ZFHX3: variants seen among roughly 807,000 people sequenced by gnomAD.
ZFHX3 encodes zinc finger homeobox 3, also known as zinc finger homeobox protein 3.
Under a neutral mutation model 279.1 loss-of-function variants are expected in ZFHX3, and 42 were observed. That is an observed-to-expected ratio of 0.15 (90% CI 0.12 to 0.19). ZFHX3 has a LOEUF of 0.19. Among genes scored for constraint, ZFHX3 ranks in the 10% least tolerant of loss-of-function variants. The pLI, the probability that ZFHX3 is intolerant of heterozygous loss-of-function variation, is 1.00. For missense variants in ZFHX3, 4,981 were observed against 4,754.0 expected, an observed-to-expected ratio of 1.05 and a Z score of -1.40; for synonymous variants, 2,293 against 1,957.8, an observed-to-expected ratio of 1.17 and a Z score of -4.52.
chr16:73,226,293 T>C (rs2012588955), intron 5 of ZFHX3, among the ~76,000 whole-genome samples: 1 of 152,188 alleles, frequency 6.6e-6, no homozygotes, highest in South Asian at 2.1e-4. Context: ...GTTCCTGCAA[T>C]AAGACAGCGC....
chr16:73,097,778 C>T (rs948156832), intron 7 of ZFHX3, among the ~76,000 whole-genome samples: 8 of 152,306 alleles, frequency 5.3e-5, no homozygotes, highest in Middle Eastern at 3.4e-3. Context: ...ATCTACTTTC[C>T]GTCTCTATGA....
At chr16:73,282,606 C>T (rs2014485413) in intron 4 of ZFHX3, among the ~76,000 whole-genome samples, 1 of 152,234 alleles carries the variant, frequency 6.6e-6, no homozygotes, top group East Asian at 1.9e-4. Context: ...TTAAATTAAG[C>T]CTTTTCTTTA....
At chr16:73,473,339 C>CAAAAAAAAAAAAAAAAACAAAAAAAAAAA (rs2018703248) in intron 2 of ZFHX3, among the ~76,000 whole-genome samples, 1 of 76,658 alleles carries the variant, frequency 1.3e-5, no homozygotes, top group African/African-American at 5.9e-5. Context: ...TGTCTCAAAG[C>CAAAAAAAAAAAAAAAAACAAAAAAAAAAA]AAAAAAAAAA....
chr16:73,147,562 G>A (rs1170860896), intron 5 of ZFHX3, among the ~76,000 whole-genome samples: 3 of 150,810 alleles, frequency 2.0e-5, no homozygotes, highest in Non-Finnish European at 3.0e-5. Context: ...CGTGGTAGCG[G>A]GCGCCTGTAG....
intron 3 of ZFHX3, among the ~76,000 whole-genome samples, chr16:73,355,539 G>A (rs559323515): frequency 3.3e-5 from 5 of 152,074 alleles, no homozygotes; most frequent in Non-Finnish European, 5.9e-5. Flanking sequence ...GAGCTGGGAT[G>A]GTCTGCTTCA....
At chr16:73,747,268 C>A (rs2053712938) in intron 1 of ZFHX3, among the ~76,000 whole-genome samples, 1 of 152,116 alleles carries the variant, frequency 6.6e-6, no homozygotes, top group Non-Finnish European at 1.5e-5. Context: ...CCTGTAGTCC[C>A]AACCACTTAG....
intron 3 of ZFHX3, among the ~76,000 whole-genome samples, chr16:73,413,218 C>T (rs989960731): frequency 2.0e-5 from 3 of 152,108 alleles, no homozygotes; most frequent in Non-Finnish European, 2.9e-5. Context: ...TTCAAGAGGC[C>T]CTTGCCATCA....
chr16:73,741,639 G>A (rs2053658764), intron 1 of ZFHX3, among the ~76,000 whole-genome samples: 1 of 152,156 alleles, frequency 6.6e-6, no homozygotes, highest in Non-Finnish European at 1.5e-5. Context: ...CTTGACCACT[G>A]AGCCTCATCA....
chr16:73,832,359 A>G (rs770210417), intron 1 of ZFHX3, among the ~76,000 whole-genome samples: 2 of 152,274 alleles, frequency 1.3e-5, no homozygotes, highest in East Asian at 1.9e-4. Flanking sequence ...ATAAGCCCCT[A>G]TGTTTACTGT....
chr16:73,036,653 G>A (rs1432617419), intron 1 of ZFHX3, among the ~76,000 whole-genome samples: 1 of 151,892 alleles, frequency 6.6e-6, no homozygotes, highest in Non-Finnish European at 1.5e-5. Flanking sequence ...AGAGGGAGGA[G>A]GGGGACTGGG....
chr16:72,943,262 G>A (rs1171494654), intron 3 of ZFHX3, among the ~76,000 whole-genome samples: 1 of 152,196 alleles, frequency 6.6e-6, no homozygotes, highest in African/African-American at 2.4e-5. Context: ...GGCCAGGCGT[G>A]GGGGCTCACA....
chr16:73,126,547 G>T (rs866748179), intron 7 of ZFHX3: 2 of 152,196 alleles, frequency 1.3e-5, no homozygotes, highest in African/African-American at 4.8e-5. Context: ...TAGGGTACAC[G>T]TTGGAAAAAA....
intron 1 of ZFHX3, among the ~76,000 whole-genome samples, chr16:73,714,555 G>A (rs777913009): frequency 6.6e-6 from 1 of 152,088 alleles, no homozygotes. Context: ...CCCATCTCCC[G>A]ATTCTCTTCC....
At chr16:73,268,175 A>G (rs1198945589) in intron 4 of ZFHX3, among the ~76,000 whole-genome samples, 3 of 151,676 alleles carry the variant, frequency 2.0e-5, no homozygotes, top group Admixed American at 6.6e-5. Flanking sequence ...TTTTCCCTAG[A>G]CTAGGGTTTT....
At chr16:73,701,885 A>C (rs1297260017) in intron 1 of ZFHX3, among the ~76,000 whole-genome samples, 1 of 152,144 alleles carries the variant, frequency 6.6e-6, no homozygotes, top group African/African-American at 2.4e-5. Flanking sequence ...AAAAAAAAGC[A>C]GAAGAAATCT....
chr16:73,112,715 CAAAAAAAAAAA>C (rs56149570), intron 7 of ZFHX3, among the ~76,000 whole-genome samples: 708 of 30,292 alleles, frequency 0.023, 17 homozygotes, highest in African/African-American at 0.091. Flanking sequence ...GACTCCATCT[CAAAAAAAAAAA>C]AAAAAAAAAA....
intron 1 of ZFHX3, among the ~76,000 whole-genome samples, chr16:73,687,907 T>C (rs1221749084): frequency 6.6e-6 from 1 of 151,348 alleles, no homozygotes; most frequent in Non-Finnish European, 1.5e-5. Context: ...GTCACTGTGC[T>C]CTTTACCCCA....
At chr16:73,669,052 T>TA (rs968521076) in intron 2 of ZFHX3, among the ~76,000 whole-genome samples, 4 of 151,228 alleles carry the variant, frequency 2.6e-5, no homozygotes, top group African/African-American at 4.8e-5. Flanking sequence ...TATTTATTAT[T>TA]TTTTTTCTTT....
At chr16:73,753,638 G>A (rs915202006) in intron 1 of ZFHX3, among the ~76,000 whole-genome samples, 7 of 152,174 alleles carry the variant, frequency 4.6e-5, no homozygotes, top group Non-Finnish European at 8.8e-5. Flanking sequence ...ATGAAAGATT[G>A]CTGTCTGACA....
Sources: allele counts gnomAD v4.1 joint callset (sites outside exome capture counted in the v4.1 genomes callset), GRCh38; gene constraint gnomAD v4.1.1; transcripts MANE v1.5; gene names NCBI Gene and HGNC (gene_info 2026-07-23, HGNC 2026-07-21).